The following ASTN2 variants were observed in gnomAD, a reference collection of about 807,000 sequenced individuals.
ASTN2 encodes the protein astrotactin 2.
A neutral mutation model predicts 139.8 loss-of-function variants in ASTN2; 54 were observed. That is an observed-to-expected ratio of 0.39 (90% CI 0.31 to 0.48). The LOEUF (loss-of-function observed/expected upper bound fraction) is 0.48, where lower values mean the gene tolerates loss of function less well. ASTN2 is among the 20% of genes least tolerant of loss of function. The pLI is 0.95. For synonymous variants in ASTN2, 756 were observed against 719.5 expected, an observed-to-expected ratio of 1.05 and a Z score of -0.81; for missense variants, 1,565 against 1,725.1, an observed-to-expected ratio of 0.91 and a Z score of 1.64.
intron 1 of ASTN2, among the ~76,000 whole-genome samples, chr9:117,385,420 T>G (rs1187945241): frequency 6.6e-6 from 1 of 152,100 alleles, no homozygotes; most frequent in Non-Finnish European, 1.5e-5. Flanking sequence ...TCATTGAATA[T>G]GGATTTTAGA....
At chr9:116,570,695 C>T (rs191371788) in intron 19 of ASTN2, among the ~76,000 whole-genome samples, 1 of 152,328 alleles carries the variant, frequency 6.6e-6, no homozygotes, top group African/African-American at 2.4e-5. Context: ...CCGCGCCCGG[C>T]TGAGTCTGTT....
At chr9:116,468,873 T>C (rs1848728551) in intron 20 of ASTN2, among the ~76,000 whole-genome samples, 1 of 152,254 alleles carries the variant, frequency 6.6e-6, no homozygotes, top group Non-Finnish European at 1.5e-5. Context: ...AAATGTGCCA[T>C]GTTGCCTTGC....
intron 7 of ASTN2, among the ~76,000 whole-genome samples, chr9:116,996,204 T>C (rs975055997): frequency 1.3e-5 from 2 of 152,156 alleles, no homozygotes; most frequent in Non-Finnish European, 2.9e-5. Flanking sequence ...ATTTTAATAT[T>C]CCTAAATTGA....
intron 1 of ASTN2, among the ~76,000 whole-genome samples, chr9:117,296,044 C>T (rs1834724455): frequency 2.0e-5 from 3 of 151,864 alleles, no homozygotes; most frequent in Non-Finnish European, 4.4e-5. Context: ...CTTTGGGAGG[C>T]CTAGGTGGGC....
At chr9:116,591,965 G>A (rs1468073050) in intron 19 of ASTN2, among the ~76,000 whole-genome samples, 3 of 152,186 alleles carry the variant, frequency 2.0e-5, no homozygotes, top group Non-Finnish European at 4.4e-5. Flanking sequence ...TAATAGTGCA[G>A]CTGGCCCTCA....
At chr9:116,686,650 C>T (rs1361785979) in intron 16 of ASTN2, 2 of 1,530,390 alleles carry the variant, frequency 1.3e-6, no homozygotes, top group Admixed American at 2.0e-5. Flanking sequence ...TAAGATTCCT[C>T]CACCTTCACC....
At chr9:117,344,747 C>T (rs1230365971) in intron 1 of ASTN2, among the ~76,000 whole-genome samples, 2 of 152,104 alleles carry the variant, frequency 1.3e-5, no homozygotes, top group Non-Finnish European at 2.9e-5. Context: ...CGGGTTTCAA[C>T]TCTAGACCTA....
At chr9:116,905,465 T>C (rs1249440620) in intron 10 of ASTN2, among the ~76,000 whole-genome samples, 2 of 152,064 alleles carry the variant, frequency 1.3e-5, no homozygotes, top group Non-Finnish European at 2.9e-5. Context: ...CATGCTACCC[T>C]TTCGTTAGTA....
chr9:116,850,659 G>A lies in ASTN2; in HGVS notation c.2040+12924C>T, dbSNP rs181027527. Reference sequence around the variant, plus strand: ...CACTTAAAAGTCATTTGAGACATTTGTTCTTTTTTTCTACCCCACCCCCTG... The same window carrying A: ...CACTTAAAAGTCATTTGAGACATTTATTCTTTTTTTCTACCCCACCCCCTG... On this transcript the variant is annotated intron_variant, in intron 11 of 22. Transcript: ENST00000313400. Among the ~76,000 whole-genome samples, 3 of 152,276 alleles carry A rather than the reference G, an allele frequency of 2.0e-5. 1 individual carries two copies. The highest frequency in any genetic ancestry group is 2.0e-4 in the Admixed American group (3 of 15,302).
chr9:116,805,934 G>T, intron 12 of ASTN2, 114 bp from the exon 13 acceptor site: 1 of 1,008,602 alleles, frequency 9.9e-7, no homozygotes, highest in Non-Finnish European at 1.5e-6. Context: ...TTAGGAAGGA[G>T]ACAGCTATTC....
intron 1 of ASTN2, among the ~76,000 whole-genome samples, chr9:117,291,825 A>G (rs138137238): frequency 6.6e-4 from 101 of 152,352 alleles, no homozygotes; most frequent in Non-Finnish European, 1.2e-3. Context: ...AACTAAGGAT[A>G]AAAGTGCTTT....
chr9:116,452,375 C>T (rs1848200897), intron 20 of ASTN2, among the ~76,000 whole-genome samples: 1 of 152,128 alleles, frequency 6.6e-6, no homozygotes, highest in Non-Finnish European at 1.5e-5. Context: ...TAGGTTTCAC[C>T]TTGTCATTAA....
intron 10 of ASTN2, among the ~76,000 whole-genome samples, chr9:116,964,259 G>GCA (rs1835951159): frequency 2.2e-5 from 2 of 92,660 alleles, no homozygotes; most frequent in African/African-American, 3.8e-5. Context: ...GTGTGTGTGC[G>GCA]CGCGCGCGCG....
intron 13 of ASTN2, among the ~76,000 whole-genome samples, chr9:116,775,806 A>AGGAGGAG (rs1174089712): frequency 6.9e-6 from 1 of 145,334 alleles, no homozygotes; most frequent in Non-Finnish European, 1.5e-5. Flanking sequence ...GGAGGAGGGA[A>AGGAGGAG]GGAAGAAAGG....
intron 1 of ASTN2, among the ~76,000 whole-genome samples, chr9:117,403,288 TA>T (rs1238048002): frequency 2.6e-5 from 4 of 152,248 alleles, no homozygotes; most frequent in African/African-American, 7.2e-5. Context: ...CTGCTGGCTG[TA>T]AAAGTCTTGA....
intron 10 of ASTN2, among the ~76,000 whole-genome samples, chr9:116,917,409 C>T (rs1055089828): frequency 2.0e-5 from 3 of 152,118 alleles, no homozygotes; most frequent in Non-Finnish European, 4.4e-5. Flanking sequence ...GCCCCCCGTT[C>T]CATGCACAGG....
At chr9:117,170,100 A>C (rs1830757018) in intron 3 of ASTN2, among the ~76,000 whole-genome samples, 1 of 152,146 alleles carries the variant, frequency 6.6e-6, no homozygotes, top group South Asian at 2.1e-4. Flanking sequence ...ATGAAAATTC[A>C]TGTGAACTGC....
intron 13 of ASTN2, among the ~76,000 whole-genome samples, chr9:116,758,454 C>T (rs1829589733): frequency 6.6e-6 from 1 of 152,108 alleles, no homozygotes; most frequent in South Asian, 2.1e-4. Flanking sequence ...CCCTTTCCCT[C>T]TTTGGAGGAC....
In ASTN2 at chr9:117,307,666, A is replaced by T. The variant is rs1324047270; in HGVS notation, c.443-16153T>A. On this transcript the variant is annotated intron_variant, in intron 1 of 22. Transcript: ENST00000313400. ...TCTTTACACAGGTAGGCACATGGCC[A>T]CCTTCATGGGCAGACATATGCATAT... Among the ~76,000 whole-genome samples the T allele has an allele frequency of 1.3e-5, 2 of 152,188 alleles. 1 individual carries two copies. Among genetic ancestry groups the T allele is most frequent in the South Asian group, 4.1e-4 (2 of 4,828 alleles).
Sources: gnomAD v4.1 joint callset for allele counts (sites outside exome capture counted in the v4.1 genomes callset) on GRCh38, gnomAD v4.1.1 for gene constraint, MANE v1.5 for transcripts, NCBI Gene and HGNC (gene_info 2026-07-23, HGNC 2026-07-21) for gene names.